PRTG: variants seen among roughly 807,000 people sequenced by gnomAD.
PRTG encodes the protein immunoglobulin superfamily, DCC subclass, member 5.
PRTG carries 67 observed loss-of-function variants against 122.5 expected under a neutral mutation model. The ratio of observed to expected loss-of-function variants is 0.55; its 90% CI spans 0.45 to 0.67. The LOEUF (loss-of-function observed/expected upper bound fraction) is 0.67, where lower values mean the gene tolerates loss of function less well. Ranked by LOEUF, PRTG falls within the 30% of genes least tolerant of loss-of-function variation. PRTG has a pLI of 0.00. For synonymous variants in PRTG, 554 were observed against 501.1 expected, an observed-to-expected ratio of 1.11 and a Z score of -1.41; for missense variants, 1,435 against 1,415.4, an observed-to-expected ratio of 1.01 and a Z score of -0.22.
Position 55,674,798 on chromosome 15 carries a change from A to C in PRTG, c.1546+721T>G, listed in dbSNP as rs145337750. ...TTGCTAAGTGAGAACAGTATTGATT[A>C]AGCATGTATTAAATCATTCCCCTTC... is the stretch of plus-strand genomic sequence containing the variant. On this transcript the variant is annotated intron_variant, in intron 9 of 19. Transcript: ENST00000389286. Among the ~76,000 whole-genome samples the C allele has an allele frequency of 6.0e-3, 911 of 152,274 alleles. 7 individuals are homozygous for C. Among genetic ancestry groups the C allele is most frequent in the Non-Finnish European group, 8.3e-3 (565 of 67,978 alleles).
At chr15:55,631,510 G>A (rs2059227315) in intron 15 of PRTG, among the ~76,000 whole-genome samples, 1 of 152,104 alleles carries the variant, frequency 6.6e-6, no homozygotes, top group Non-Finnish European at 1.5e-5. Flanking sequence ...TAACATTCTG[G>A]TTCCCCTATG....
intron 17 of PRTG, among the ~76,000 whole-genome samples, chr15:55,626,413 A>G (rs2059195154): frequency 1.3e-5 from 2 of 151,256 alleles, no homozygotes; most frequent in Non-Finnish European, 2.9e-5. Flanking sequence ...TGTCTCAAAA[A>G]AAAAAAAAAG....
In PRTG at chr15:55,620,718, T is replaced by C. The variant is rs776629578; in HGVS notation, c.3143A>G (p.Asn1048Ser). 9 of 1,603,308 alleles carry C rather than the reference T, an allele frequency of 5.6e-6. No individual in the cohort carries two copies. Among genetic ancestry groups the C allele is most frequent in the Non-Finnish European group, 7.6e-6 (9 of 1,177,648 alleles). ...GAAAAAAAACCACTTTTTCTTAGAG[T>C]TGTTTTTAATTATAGGACCATAGCT... Reference protein sequence around the residue: ...INSYGPIIKNNSKKKWFFFQD... With the variant: ...INSYGPIIKNSSKKKWFFFQD... Residue 1048 changes from asparagine to serine, a missense_variant, in exon 19 of 20, where the codon AAC (asparagine) becomes AGC (serine). Asn to Ser is a conservative substitution (Grantham distance 46). Transcript: ENST00000389286.
At chr15:55,738,095 TACTCTGA>T (rs2031495727) in intron 2 of PRTG, 1 of 145,030 alleles carries the variant, frequency 6.9e-6, no homozygotes, top group Non-Finnish European at 1.5e-5. Context: ...TATATATATT[TACTCTGA>T]ACACAGGATA....
intron 2 of PRTG, among the ~76,000 whole-genome samples, chr15:55,722,935 GAA>G (rs1275596304): frequency 6.6e-6 from 1 of 152,188 alleles, no homozygotes; most frequent in Non-Finnish European, 1.5e-5. Context: ...AATACGTGGA[GAA>G]AAAGTCAGTA....
intron 14 of PRTG, among the ~76,000 whole-genome samples, chr15:55,638,131 G>A (rs143752907): frequency 6.6e-6 from 1 of 152,104 alleles, no homozygotes; most frequent in Non-Finnish European, 1.5e-5. Context: ...CTACAGAATT[G>A]GTGCTCAATC....
rs565494359 is a variant in PRTG at position 55,630,148 on chromosome 15, G to A, written c.2624-1144C>T. On this transcript the variant is annotated intron_variant, in intron 15 of 19. Transcript: ENST00000389286. ...ACTATAGGCGCCCGCCACCATGCCT[G>A]GCTAATTTTTTATATTTTTAGTAGA... Among the ~76,000 whole-genome samples the A allele has an allele frequency of 4.2e-3, 632 of 152,180 alleles. 4 individuals carry two copies. Among genetic ancestry groups the A allele is most frequent in the African/African-American group, 0.015 (607 of 41,528 alleles).
intron 2 of PRTG, among the ~76,000 whole-genome samples, chr15:55,718,065 T>C (rs2030665416): frequency 6.6e-6 from 1 of 152,186 alleles, no homozygotes; most frequent in Admixed American, 6.5e-5. Flanking sequence ...ATTTTAAATC[T>C]GGTAAGCGGC....
At position 55,645,064 on chromosome 15, in the gene PRTG, A is replaced by C. The variant is rs944560609; in HGVS notation, c.2042-3856T>G. On this transcript the variant is annotated intron_variant, in intron 11 of 19. Transcript: ENST00000389286. ...AGTCATAATATTATTTTGGTTTATT[A>C]ATCCAGAGACCCTGGAATATCCTGG... 3.9e-5 allele frequency among the ~76,000 whole-genome samples: 6 copies of C among 152,274 alleles called. No homozygotes were observed. In the East Asian group the frequency reaches 1.2e-3, roughly 29 times the overall value.
intron 5 of PRTG, 75 bp downstream of exon 5, chr15:55,680,416 A>G: frequency 4.2e-6 from 6 of 1,424,432 alleles, no homozygotes; most frequent in Non-Finnish European, 5.6e-6. Flanking sequence ...ATATAAAATA[A>G]ACATTTTATA....
At chr15:55,682,558 T>TTATTTATTTATA in intron 3 of PRTG, 61 bp from the exon 4 acceptor site, 1 of 603,738 alleles carries the variant, frequency 1.7e-6, no homozygotes, top group South Asian at 6.3e-5. Context: ...ATTTATTTAT[T>TTATTTATTTATA]TATTTATTTA....
intron 7 of PRTG, among the ~76,000 whole-genome samples, chr15:55,678,779 A>G (rs895939053): frequency 1.3e-5 from 2 of 152,238 alleles, no homozygotes; most frequent in African/African-American, 4.8e-5. Context: ...AGAATATTAT[A>G]GTGTGTACAT....
At chr15:55,738,874 C>T (rs1017954846) in intron 2 of PRTG, among the ~76,000 whole-genome samples, 27 of 112,612 alleles carry the variant, frequency 2.4e-4, no homozygotes, top group African/African-American at 8.5e-4. Context: ...AAGGAAGGGA[C>T]AGGAGGAAAA....
intron 11 of PRTG, among the ~76,000 whole-genome samples, chr15:55,643,616 G>A (rs2059304531): frequency 6.6e-6 from 1 of 151,566 alleles, no homozygotes. Context: ...TAGAGACAAG[G>A]ACTCAACATA....
intron 2 of PRTG, among the ~76,000 whole-genome samples, chr15:55,733,514 C>CAAAAAAAAA (rs1171561645): frequency 1.3e-5 from 1 of 76,388 alleles, no homozygotes; most frequent in African/African-American, 4.3e-5. Context: ...CTGTCTCAAA[C>CAAAAAAAAA]AAAAAAAAAA....
intron 17 of PRTG, among the ~76,000 whole-genome samples, chr15:55,625,440 G>A (rs868790447): frequency 1.3e-5 from 2 of 151,714 alleles, no homozygotes; most frequent in African/African-American, 4.8e-5. Flanking sequence ...TTGTAAACAT[G>A]ATTAATTGTG....
At chr15:55,700,718 C>A (rs2059658592) in intron 2 of PRTG, among the ~76,000 whole-genome samples, 1 of 152,050 alleles carries the variant, frequency 6.6e-6, no homozygotes, top group South Asian at 2.1e-4. Flanking sequence ...GAGGTCGAGG[C>A]TGTACTGAGC....
chr15:55,706,403 C>T (rs2030118753), intron 2 of PRTG, among the ~76,000 whole-genome samples: 1 of 151,734 alleles, frequency 6.6e-6, no homozygotes, highest in African/African-American at 2.4e-5. Flanking sequence ...AATAAGAATA[C>T]ACAACACATG....
intron 11 of PRTG, among the ~76,000 whole-genome samples, chr15:55,657,523 A>G (rs894687844): frequency 6.6e-6 from 1 of 152,208 alleles, no homozygotes; most frequent in Admixed American, 6.5e-5. Context: ...ATTATCAAGC[A>G]TAAGTTAAAA....
Sources: gnomAD v4.1 joint callset for allele counts (sites outside exome capture counted in the v4.1 genomes callset) on GRCh38, gnomAD v4.1.1 for gene constraint, MANE v1.5 for transcripts, NCBI Gene and HGNC (gene_info 2026-07-23, HGNC 2026-07-21) for gene names.